Variants in PDE4D observed in about 807,000 individuals in gnomAD.
The protein encoded by PDE4D is phosphodiesterase 4D.
A neutral mutation model predicts 87.4 loss-of-function variants in PDE4D; 24 were observed. The ratio of observed to expected loss-of-function variants is 0.27; its 90% CI spans 0.20 to 0.39. PDE4D has a LOEUF of 0.39. Ranked by LOEUF, PDE4D falls within the 10% of genes least tolerant of loss-of-function variation. PDE4D has a pLI of 1.00. For missense variants in PDE4D, 714 were observed against 1,041.0 expected, an observed-to-expected ratio of 0.69 and a Z score of 4.32; for synonymous variants, 384 against 383.2, an observed-to-expected ratio of 1.00 and a Z score of -0.02.
chr5:59,550,109 T>A (rs1265502471), intron 1 of PDE4D, among the ~76,000 whole-genome samples: 1 of 152,058 alleles, frequency 6.6e-6, no homozygotes, highest in Non-Finnish European at 1.5e-5. Context: ...TTTCCTTGAA[T>A]GACTATATAT....
At chr5:59,010,081 T>A (rs547819710) in intron 6 of PDE4D, among the ~76,000 whole-genome samples, 16 of 152,306 alleles carry the variant, frequency 1.1e-4, no homozygotes, top group African/African-American at 2.9e-4. Flanking sequence ...ATCCTAGCAC[T>A]TTAGGAGGCC....
intron 1 of PDE4D, among the ~76,000 whole-genome samples, chr5:59,232,844 A>T (rs1343184994): frequency 6.6e-6 from 1 of 152,186 alleles, no homozygotes; most frequent in East Asian, 1.9e-4. Context: ...ACACATACAC[A>T]TACAATGGAA....
chr5:59,912,776 CA>C (rs1160366031), intron 3 of PDE4D, among the ~76,000 whole-genome samples: 1 of 152,164 alleles, frequency 6.6e-6, no homozygotes, highest in Non-Finnish European at 1.5e-5. Context: ...GTGAACAAAA[CA>C]ATCAAGGCTG....
chr5:59,127,057 C>A (rs1161643492), intron 5 of PDE4D, among the ~76,000 whole-genome samples: 1 of 152,214 alleles, frequency 6.6e-6, no homozygotes, highest in African/African-American at 2.4e-5. Context: ...TGAATTATAG[C>A]TGGAGGTGAT....
At chr5:59,189,244 G>GTTTTTTTTTTTTTTTT (rs1392753870) in intron 3 of PDE4D, among the ~76,000 whole-genome samples, 10 of 91,386 alleles carry the variant, frequency 1.1e-4, no homozygotes, top group Admixed American at 3.9e-4. Context: ...TTTTTTTTTT[G>GTTTTTTTTTTTTTTTT]TTTTTTTTGT....
chr5:59,136,323 T>C (rs964013216), intron 5 of PDE4D, among the ~76,000 whole-genome samples: 3 of 152,216 alleles, frequency 2.0e-5, no homozygotes, highest in African/African-American at 4.8e-5. Context: ...TGTAACTTAA[T>C]ATATTCTTTT....
In PDE4D at chr5:59,334,864, C is replaced by T. The variant is rs144908990; in HGVS notation, c.456-118896G>A. On this transcript the variant is annotated intron_variant, in intron 1 of 14. Coordinates refer to ENST00000340635, the MANE Select transcript of PDE4D (RefSeq NM_001104631.2). ...GAAGAGATCAACCTAATAAGAATAA[C>T]AGAAATCATCTAATCCTTCCCATTT... Among the ~76,000 whole-genome samples, 3 of 152,098 alleles carry T rather than the reference C, an allele frequency of 2.0e-5. No homozygotes were observed. The East Asian group carries it at 5.8e-4, about 29-fold the overall frequency.
At chr5:59,788,732 G>A (rs1220416593) in intron 1 of PDE4D, among the ~76,000 whole-genome samples, 1 of 152,160 alleles carries the variant, frequency 6.6e-6, no homozygotes, top group African/African-American at 2.4e-5. Flanking sequence ...TAGAAGAATT[G>A]CTTCAGCAAA....
intron 5 of PDE4D, among the ~76,000 whole-genome samples, chr5:59,147,466 C>T (rs1423665703): frequency 6.6e-6 from 1 of 152,092 alleles, no homozygotes; most frequent in East Asian, 1.9e-4. Flanking sequence ...ACTTTGAATA[C>T]ATTGATAAAA....
At chr5:59,303,637 G>T (rs1052344234) in intron 1 of PDE4D, among the ~76,000 whole-genome samples, 8 of 152,010 alleles carry the variant, frequency 5.3e-5, no homozygotes, top group African/African-American at 1.7e-4. Flanking sequence ...ACCATTTGTT[G>T]AAAAGGTTAT....
rs181300781 is a variant in PDE4D at position 59,511,935 on chromosome 5, G to A, written c.456-295967C>T. Among the ~76,000 whole-genome samples the A allele has an allele frequency of 1.9e-3, 289 of 152,112 alleles. 1 individual carries two copies. Among genetic ancestry groups the A allele is most frequent in the Non-Finnish European group, 2.8e-3 (191 of 67,938 alleles). The stretch of plus-strand genomic sequence containing the variant: ...GCACTATATGATACCATTCTAATGA[G>A]GCTTTTAAAAAATGTGGTAATTTGA... On this transcript the variant is annotated intron_variant, in intron 1 of 14. Coordinates refer to ENST00000340635, the MANE Select transcript of PDE4D (RefSeq NM_001104631.2).
At chr5:59,792,828 G>A (rs191037975) in intron 1 of PDE4D, among the ~76,000 whole-genome samples, 314 of 152,302 alleles carry the variant, frequency 2.1e-3, no homozygotes, top group African/African-American at 7.2e-3. Context: ...AGAAGAGACA[G>A]AAGGACAGGA....
intron 1 of PDE4D, chr5:59,275,308 G>T: frequency 1.3e-6 from 2 of 1,554,516 alleles, no homozygotes; most frequent in South Asian, 2.2e-5. Flanking sequence ...AAAGAGAAAA[G>T]GGGAAAAGCA....
chr5:59,902,454 T>C (rs1752378313), intron 3 of PDE4D, among the ~76,000 whole-genome samples: 1 of 152,136 alleles, frequency 6.6e-6, no homozygotes, highest in Non-Finnish European at 1.5e-5. Flanking sequence ...CATATATGAT[T>C]TTTTAAAAGT....
intron 1 of PDE4D, among the ~76,000 whole-genome samples, chr5:60,274,183 A>C (rs980622960): frequency 2.0e-5 from 3 of 152,274 alleles, no homozygotes; most frequent in African/African-American, 7.2e-5. Flanking sequence ...GGTAGAGAAA[A>C]ACAAGATGAA....
chr5:59,196,032 G>C (rs1157849046), intron 2 of PDE4D, among the ~76,000 whole-genome samples: 2 of 147,688 alleles, frequency 1.4e-5, no homozygotes, highest in Non-Finnish European at 1.5e-5. Flanking sequence ...AGTGGTAGTT[G>C]AGAGAGAGAG....
At chr5:60,254,337 G>T (rs532020265) in intron 1 of PDE4D, among the ~76,000 whole-genome samples, 3 of 151,868 alleles carry the variant, frequency 2.0e-5, no homozygotes, top group Non-Finnish European at 4.4e-5. Context: ...GGCCCCTAAA[G>T]AACACAATTA....
At chr5:60,514,499 T>C (rs532556512) in intron 1 of PDE4D, among the ~76,000 whole-genome samples, 1 of 152,202 alleles carries the variant, frequency 6.6e-6, no homozygotes, top group South Asian at 2.1e-4. Flanking sequence ...TTCAGTTTAG[T>C]TACTACAAGG....
intron 1 of PDE4D, among the ~76,000 whole-genome samples, chr5:59,853,051 C>A (rs1411137294): frequency 6.6e-6 from 1 of 152,068 alleles, no homozygotes; most frequent in Non-Finnish European, 1.5e-5. Flanking sequence ...TCCCTTAACA[C>A]CTTTCTTTAT....
Sources: gnomAD v4.1 joint callset for allele counts (sites outside exome capture counted in the v4.1 genomes callset) on GRCh38, gnomAD v4.1.1 for gene constraint, MANE v1.5 for transcripts, NCBI Gene and HGNC (gene_info 2026-07-23, HGNC 2026-07-21) for gene names.